The following LSAMP variants were observed in gnomAD, a reference collection of about 807,000 sequenced individuals.
LSAMP encodes the protein limbic system associated membrane protein.
LSAMP carries 7 observed loss-of-function variants against 38.6 expected under a neutral mutation model. The ratio of observed to expected loss-of-function variants is 0.18; its 90% CI spans 0.10 to 0.34. LSAMP has a LOEUF of 0.34. Among genes scored for constraint, LSAMP ranks in the 10% least tolerant of loss-of-function variants. LSAMP has a pLI of 1.00. For synonymous variants in LSAMP, 154 were observed against 166.8 expected (o/e 0.92, Z 0.59); for missense variants, 313 against 420.0 (o/e 0.75, Z 2.23).
intron 3 of LSAMP, among the ~76,000 whole-genome samples, chr3:115,881,679 T>A (rs1015541291): frequency 6.6e-6 from 1 of 152,192 alleles, no homozygotes; most frequent in African/African-American, 2.4e-5. Context: ...AGATGGGATA[T>A]GTGCAGTGTG....
At chr3:116,398,041 T>G (rs908392610) in intron 1 of LSAMP, among the ~76,000 whole-genome samples, 1 of 152,136 alleles carries the variant, frequency 6.6e-6, no homozygotes, top group Non-Finnish European at 1.5e-5. Context: ...CATAGCATTC[T>G]GTATCTAGTA....
intron 3 of LSAMP, among the ~76,000 whole-genome samples, chr3:115,976,308 T>C (rs1290201115): frequency 6.6e-6 from 1 of 152,130 alleles, no homozygotes; most frequent in Non-Finnish European, 1.5e-5. Flanking sequence ...ATAATTAAAT[T>C]CACAACGAGA....
At chr3:116,244,513 C>T (rs1286839491) in intron 1 of LSAMP, among the ~76,000 whole-genome samples, 1 of 152,168 alleles carries the variant, frequency 6.6e-6, no homozygotes, top group Non-Finnish European at 1.5e-5. Context: ...GTCTGTTCTT[C>T]CTGCTCTTTG....
At chr3:116,333,237 T>C (rs1228111041) in intron 1 of LSAMP, among the ~76,000 whole-genome samples, 1 of 151,978 alleles carries the variant, frequency 6.6e-6, no homozygotes, top group African/African-American at 2.4e-5. Context: ...ACAAAGGAAG[T>C]CTCAATCAAT....
chr3:116,146,121 T>C (rs1709484965), intron 1 of LSAMP, among the ~76,000 whole-genome samples: 1 of 151,922 alleles, frequency 6.6e-6, no homozygotes, highest in African/African-American at 2.4e-5. Context: ...AAAAGTTTCA[T>C]GGCTCCCTTC....
intron 3 of LSAMP, among the ~76,000 whole-genome samples, chr3:115,853,475 T>A (rs957901052): frequency 1.3e-5 from 2 of 152,346 alleles, no homozygotes; most frequent in Non-Finnish European, 2.9e-5. Context: ...TAGTTGAGTG[T>A]GTGCATTTTA....
intron 3 of LSAMP, among the ~76,000 whole-genome samples, chr3:115,879,993 A>G (rs1457069885): frequency 1.3e-5 from 2 of 152,204 alleles, no homozygotes; most frequent in Non-Finnish European, 2.9e-5. Flanking sequence ...ATTAGGTATA[A>G]GAATTAAGAA....
chr3:116,256,862 G>C (rs2046757776), intron 1 of LSAMP, among the ~76,000 whole-genome samples: 1 of 152,046 alleles, frequency 6.6e-6, no homozygotes, highest in Admixed American at 6.6e-5. Context: ...CGTGTCATGA[G>C]TGGCAAAAGC....
intron 1 of LSAMP, among the ~76,000 whole-genome samples, chr3:116,173,438 T>C (rs1194997711): frequency 2.0e-5 from 3 of 152,084 alleles, no homozygotes; most frequent in Non-Finnish European, 2.9e-5. Context: ...AAAACACTAA[T>C]AGTAACTCTA....
intron 6 of LSAMP, among the ~76,000 whole-genome samples, chr3:115,830,028 C>A (rs1018421050): frequency 1.3e-4 from 20 of 152,212 alleles, no homozygotes; most frequent in Middle Eastern, 3.4e-3. Flanking sequence ...ATTTAAAATA[C>A]CACTTTGAGC....
chr3:116,218,086 T>G (rs1238008019), intron 1 of LSAMP, among the ~76,000 whole-genome samples: 1 of 152,170 alleles, frequency 6.6e-6, no homozygotes, highest in Non-Finnish European at 1.5e-5. Flanking sequence ...GTCTTGGTAC[T>G]CAGGAATGAA....
chr3:115,851,128 C>G (rs1164555568), intron 4 of LSAMP, among the ~76,000 whole-genome samples: 2 of 152,130 alleles, frequency 1.3e-5, no homozygotes, highest in Non-Finnish European at 2.9e-5. Context: ...CACCCGCCAC[C>G]ACACCCAGCT....
chr3:115,845,557 C>A (rs931397150), intron 4 of LSAMP, among the ~76,000 whole-genome samples: 4 of 137,738 alleles, frequency 2.9e-5, no homozygotes, highest in African/African-American at 1.2e-4. Context: ...AAGCTTCTGG[C>A]CGGTAGCAGA....
At chr3:116,411,447 T>C (rs2048975939) in intron 1 of LSAMP, among the ~76,000 whole-genome samples, 1 of 151,556 alleles carries the variant, frequency 6.6e-6, no homozygotes, top group Admixed American at 6.6e-5. Flanking sequence ...TATGCAGCCA[T>C]AAAAAATGAT....
intron 1 of LSAMP, among the ~76,000 whole-genome samples, chr3:116,439,853 G>A (rs2049409478): frequency 6.6e-6 from 1 of 152,216 alleles, no homozygotes; most frequent in South Asian, 2.1e-4. Context: ...CTCCTAAGCA[G>A]CTGGGACTAC....
intron 1 of LSAMP, among the ~76,000 whole-genome samples, chr3:116,330,220 C>T (rs1388390262): frequency 2.0e-5 from 3 of 152,112 alleles, no homozygotes; most frequent in Admixed American, 6.6e-5. Context: ...CTTGTGACTT[C>T]CAGGGGAAGG....
intron 6 of LSAMP, among the ~76,000 whole-genome samples, chr3:115,813,087 CTG>C (rs1031381326): frequency 1.4e-4 from 21 of 151,982 alleles, no homozygotes; most frequent in South Asian, 6.2e-4. Flanking sequence ...TCAGAATTAA[CTG>C]TTATTTTCAC....
At chr3:115,870,546 T>A (rs139858029) in intron 3 of LSAMP, among the ~76,000 whole-genome samples, 1,896 of 152,266 alleles carry the variant, frequency 0.012, 16 homozygotes, top group Non-Finnish European at 0.02. Flanking sequence ...TTCTCAGGCT[T>A]ACCTCCAAAA....
At chr3:115,931,527 G>A (rs567559386) in intron 3 of LSAMP, among the ~76,000 whole-genome samples, 7 of 152,268 alleles carry the variant, frequency 4.6e-5, no homozygotes, top group South Asian at 2.1e-4. Context: ...CAAATGAGCC[G>A]TTGGGTCAGA....
Sources: gnomAD v4.1 joint callset for allele counts (sites outside exome capture counted in the v4.1 genomes callset) on GRCh38, gnomAD v4.1.1 for gene constraint, MANE v1.5 for transcripts, NCBI Gene and HGNC (gene_info 2026-07-23, HGNC 2026-07-21) for gene names.